Variants in FLT1 observed in about 807,000 individuals in gnomAD.
FLT1 encodes the protein vascular endothelial growth factor receptor 1.
Under a neutral mutation model 156.3 loss-of-function variants are expected in FLT1, and 49 were observed. The observed-to-expected ratio is 0.31, with a 90% confidence interval of 0.25 to 0.40. The LOEUF is 0.40. Ranked by LOEUF, FLT1 falls within the 10% of genes least tolerant of loss-of-function variation. FLT1 has a pLI of 1.00. For synonymous variants in FLT1, 594 were observed against 583.8 expected (o/e 1.02, Z -0.25); for missense variants, 1,322 against 1,637.2 (o/e 0.81, Z 3.32).
chr13:28,487,454 A>T (rs1185043287), intron 1 of FLT1, among the ~76,000 whole-genome samples: 1 of 152,210 alleles, frequency 6.6e-6, no homozygotes, highest in Non-Finnish European at 1.5e-5. Flanking sequence ...TGTAGTCCAC[A>T]TGGGTGGTTC....
intron 3 of FLT1, among the ~76,000 whole-genome samples, chr13:28,443,444 T>C (rs138522508): frequency 3.6e-4 from 55 of 152,360 alleles, no homozygotes; most frequent in African/African-American, 1.3e-3. Flanking sequence ...TCAGAGCAAG[T>C]AAACAATGTT....
At chr13:28,452,599 A>G (rs1018278752) in intron 3 of FLT1, among the ~76,000 whole-genome samples, 1 of 152,148 alleles carries the variant, frequency 6.6e-6, no homozygotes, top group Non-Finnish European at 1.5e-5. Flanking sequence ...CATGTCAGAA[A>G]GTGTTTCCTT....
intron 3 of FLT1, among the ~76,000 whole-genome samples, chr13:28,461,572 C>T (rs1489377705): frequency 6.6e-6 from 1 of 152,092 alleles, no homozygotes; most frequent in Non-Finnish European, 1.5e-5. Context: ...CTCAGAATCG[C>T]CACTGCACTC....
At chr13:28,476,462 G>A (rs1351521037) in intron 1 of FLT1, among the ~76,000 whole-genome samples, 1 of 152,124 alleles carries the variant, frequency 6.6e-6, no homozygotes, top group Non-Finnish European at 1.5e-5. Context: ...GGTCTTTAAG[G>A]TCCACAATAG....
intron 11 of FLT1, among the ~76,000 whole-genome samples, chr13:28,398,669 T>C (rs1305640778): frequency 6.6e-6 from 1 of 152,184 alleles, no homozygotes; most frequent in Non-Finnish European, 1.5e-5. Context: ...ATACTCCCTG[T>C]GTATTATTGA....
intron 6 of FLT1, among the ~76,000 whole-genome samples, 184 bp downstream of exon 6, chr13:28,433,635 A>G (rs1877836981): frequency 6.6e-6 from 1 of 152,238 alleles, no homozygotes; most frequent in Non-Finnish European, 1.5e-5. Flanking sequence ...GACAGTATCT[A>G]TGCATATCAC....
At chr13:28,321,772 C>G (rs1220087380) in intron 22 of FLT1, among the ~76,000 whole-genome samples, 187 bp from the exon 23 acceptor site, 1 of 152,244 alleles carries the variant, frequency 6.6e-6, no homozygotes, top group African/African-American at 2.4e-5. Context: ...CCCAAGCCCT[C>G]AAAGTCAAGA....
rs869199622 is a variant in FLT1, at chr13:28,344,792, C to CTTTT, written c.2355+649_2355+652dup. Among the ~76,000 whole-genome samples the CTTTT allele has an allele frequency of 3.2e-3, 131 of 41,418 alleles. 10 individuals carry two copies. Among genetic ancestry groups the CTTTT allele is most frequent in the African/African-American group, 4.2e-3 (44 of 10,586 alleles). The allele number at this position is 41,418 out of a possible 152,430, so 27.2% of individuals were successfully genotyped here. ...AGAGAAGTCAAAGGTGGGGCCTTTACTTTTTTTTTTTTTTTTTTTTTTTTT... is the reference window on the plus strand; with the variant it reads ...AGAGAAGTCAAAGGTGGGGCCTTTACTTTTTTTTTTTTTTTTTTTTTTTTTTTTT... On this transcript the variant is annotated intron_variant, in intron 16 of 29. Transcript: ENST00000282397.
intron 14 of FLT1, among the ~76,000 whole-genome samples, chr13:28,380,108 A>T (rs1874013300): frequency 6.6e-6 from 1 of 152,214 alleles, no homozygotes; most frequent in South Asian, 2.1e-4. Flanking sequence ...TAAAGGACAC[A>T]CAGTTTATTT....
chr13:28,368,486 C>G lies in FLT1; in HGVS notation c.2117-10801G>C, dbSNP rs1277663437. 4.0e-6 allele frequency: 6 copies of G among 1,518,602 alleles called. No individual in the cohort carries two copies. In the Admixed American group the frequency reaches 1.2e-4, roughly 30 times the overall value. 94.1% of individuals were successfully genotyped at this position (1,518,602 alleles called of 1,614,324 possible). A position where few individuals can be genotyped will look rare whatever the true frequency, so the allele number is the denominator to read the frequency against. ...TGTTATGATTGTCTTGGCTCTCCAA[C>G]TAAAGGATAAGTTCTTTGAAGTTGA... On this transcript the variant is annotated intron_variant, in intron 14 of 29. Coordinates refer to ENST00000282397, the MANE Select transcript of FLT1 (RefSeq NM_002019.4).
Position 28,302,942 on chromosome 13 carries a change from T to G in FLT1, c.*225A>C. ...AGGATTTCTCTAACACTGAGTAACA[T>G]GAGGATTTAGCAGTAGTGTTCTTCA... is the stretch of plus-strand genomic sequence containing the variant. On this transcript the variant is annotated 3_prime_UTR_variant, in exon 30 of 30. Coordinates refer to ENST00000282397, the MANE Select transcript of FLT1 (RefSeq NM_002019.4). The G allele has an allele frequency of 1.8e-6, 1 of 568,078 alleles. No individual in the cohort carries two copies. The highest frequency in any genetic ancestry group is 3.1e-6 in the Non-Finnish European group (1 of 318,544). 35.2% of individuals were successfully genotyped at this position (568,078 alleles called of 1,614,324 possible).
intron 29 of FLT1, among the ~76,000 whole-genome samples, chr13:28,306,096 A>T (rs1870736513): frequency 6.6e-6 from 1 of 152,220 alleles, no homozygotes; most frequent in African/African-American, 2.4e-5. Flanking sequence ...GAGAAGCTGC[A>T]GTGGCATTCG....
chr13:28,335,887 C>T (rs1048102621), intron 17 of FLT1, among the ~76,000 whole-genome samples: 2 of 152,362 alleles, frequency 1.3e-5, no homozygotes, highest in Admixed American at 6.5e-5. Context: ...GAAAGTGCTA[C>T]ATCTGAAAAT....
At chr13:28,394,910 CT>C (rs1874951041) in intron 12 of FLT1, among the ~76,000 whole-genome samples, 2 of 152,130 alleles carry the variant, frequency 1.3e-5, no homozygotes, top group Admixed American at 1.3e-4. Flanking sequence ...GTATTCACAC[CT>C]TTGGGTCTGT....
chr13:28,337,711 A>G (rs1036408545), intron 17 of FLT1, among the ~76,000 whole-genome samples: 1 of 152,258 alleles, frequency 6.6e-6, no homozygotes, highest in South Asian at 2.1e-4. Flanking sequence ...TTAAACCCAC[A>G]GAGCCCCAGG....
At chr13:28,357,490 G>A (rs1253610243) in intron 15 of FLT1, 64 bp downstream of exon 15, 1 of 1,574,362 alleles carries the variant, frequency 6.4e-7, no homozygotes, top group Non-Finnish European at 8.7e-7. Context: ...GAGGTGGAAA[G>A]TTAAACAAAC....
At chr13:28,309,678 C>G (rs975153779) in intron 27 of FLT1, among the ~76,000 whole-genome samples, 1 of 131,424 alleles carries the variant, frequency 7.6e-6, no homozygotes, top group African/African-American at 2.8e-5. Flanking sequence ...CTCCCTCTCT[C>G]TAACCCAGCC....
chr13:28,478,414 C>T (rs570951891), intron 1 of FLT1, among the ~76,000 whole-genome samples: 8 of 152,310 alleles, frequency 5.3e-5, no homozygotes, highest in Non-Finnish European at 1.2e-4. Flanking sequence ...ATGATGACAG[C>T]ATGTTTCAAT....
chr13:28,457,281 G>A (rs554547325), intron 3 of FLT1, among the ~76,000 whole-genome samples: 2 of 152,302 alleles, frequency 1.3e-5, no homozygotes, highest in African/African-American at 4.8e-5. Context: ...TGAATGCAAA[G>A]TGCTTAGGAT....
Sources: gnomAD v4.1 joint callset for allele counts (sites outside exome capture counted in the v4.1 genomes callset) on GRCh38, gnomAD v4.1.1 for gene constraint, MANE v1.5 for transcripts, NCBI Gene and HGNC (gene_info 2026-07-23, HGNC 2026-07-21) for gene names.